Variants in UHRF1 observed in about 807,000 individuals in gnomAD.
UHRF1 encodes the protein ubiquitin like with PHD and ring finger domains 1.
In UHRF1, 9 loss-of-function variants were observed where a neutral mutation model predicts 96.5. The ratio of observed to expected loss-of-function variants is 0.09; its 90% CI spans 0.06 to 0.16. The LOEUF is 0.16. Among genes scored for constraint, UHRF1 ranks in the 10% least tolerant of loss-of-function variants. The pLI is 1.00. For missense variants in UHRF1, 626 were observed against 1,131.1 expected (o/e 0.55, Z 6.40); for synonymous variants, 455 against 469.9 (o/e 0.97, Z 0.41).
At chr19:4,957,844 G>A (rs903294330) in intron 16 of UHRF1, among the ~76,000 whole-genome samples, 4 of 152,196 alleles carry the variant, frequency 2.6e-5, no homozygotes, top group African/African-American at 9.6e-5. Context: ...GAACTGCCCA[G>A]GTGGGCAGTG....
At chr19:4,920,835 G>A (rs2032677550) in intron 2 of UHRF1, among the ~76,000 whole-genome samples, 1 of 152,246 alleles carries the variant, frequency 6.6e-6, no homozygotes, top group Non-Finnish European at 1.5e-5. Flanking sequence ...ATAGAAAATC[G>A]GTCAGGAGGG....
chr19:4,937,405 A>G (rs184685642), intron 5 of UHRF1, among the ~76,000 whole-genome samples: 1 of 150,554 alleles, frequency 6.6e-6, no homozygotes, highest in East Asian at 1.9e-4. Context: ...TCTGTTTCCC[A>G]GGCTGGAGTG....
chr19:4,912,886 A>G (rs949104431), intron 2 of UHRF1, among the ~76,000 whole-genome samples: 2 of 151,988 alleles, frequency 1.3e-5, no homozygotes, highest in African/African-American at 2.4e-5. Flanking sequence ...CAGCCTCCCA[A>G]GTAGCTAGGA....
At chr19:4,937,623 C>G (rs917687836) in intron 5 of UHRF1, among the ~76,000 whole-genome samples, 2 of 152,110 alleles carry the variant, frequency 1.3e-5, no homozygotes, top group Non-Finnish European at 2.9e-5. Flanking sequence ...CTTGGCCTCC[C>G]AAAGTGTTAG....
rs2033816863 is a variant in UHRF1 at position 4,954,903 on chromosome 19, A to G, written c.2130+81A>G. ...GTGGGGCTTGTTTCCCATGTTCCCC[A>G]TTTTCAAGTGTACAGCTCAGTCGCA... On this transcript the variant is annotated intron_variant, in intron 15 of 16. Transcript: ENST00000650932. This position sits in a 1 kb window ranked among gnomAD's most constrained non-coding sequence, Gnocchi z 5.9. 6.4e-7 allele frequency: 1 copy of G among 1,550,424 alleles called. No homozygotes were observed. The highest frequency in any genetic ancestry group is 8.8e-7 in the Non-Finnish European group (1 of 1,137,522).
chr19:4,913,137 CT>C (rs1398500448), intron 2 of UHRF1, among the ~76,000 whole-genome samples: 2 of 152,082 alleles, frequency 1.3e-5, no homozygotes, highest in African/African-American at 2.4e-5. Flanking sequence ...CCCAAAACCC[CT>C]ATCTCCCCTC....
At chr19:4,908,651 G>T (rs948193910), upstream of UHRF1, among the ~76,000 whole-genome samples, 4 of 152,202 alleles carry the variant, frequency 2.6e-5, no homozygotes, top group Non-Finnish European at 5.9e-5. Flanking sequence ...GCCCCAGTGA[G>T]AGAGTATCCT....
upstream of UHRF1, among the ~76,000 whole-genome samples, chr19:4,907,407 T>C (rs974720053): frequency 1.2e-4 from 18 of 152,224 alleles, no homozygotes; most frequent in African/African-American, 3.8e-4. Context: ...TAGCTGGGAT[T>C]ACAGGCGCCG....
At chr19:4,909,181 C>T (rs1568403045), upstream of UHRF1, 3 of 393,916 alleles carry the variant, frequency 7.6e-6, no homozygotes, top group South Asian at 4.0e-5. Flanking sequence ...TGGGGGGCTG[C>T]GAACGGACTT....
chr19:4,948,536 C>T (rs556667969), intron 11 of UHRF1, among the ~76,000 whole-genome samples: 10 of 152,126 alleles, frequency 6.6e-5, no homozygotes, highest in East Asian at 1.9e-4. Context: ...CGGTGGCTCA[C>T]GCCTGTAATC....
intron 2 of UHRF1, 129 bp from the exon 3 acceptor site, chr19:4,929,093 C>T: frequency 7.5e-7 from 1 of 1,335,456 alleles, no homozygotes; most frequent in South Asian, 1.4e-5. Context: ...TATCATGGCT[C>T]TTTACTCTGA....
At chr19:4,929,686 C>T (rs891321851) in intron 3 of UHRF1, among the ~76,000 whole-genome samples, 7 of 150,936 alleles carry the variant, frequency 4.6e-5, no homozygotes, top group East Asian at 1.9e-4. Context: ...GAGTCCTGTT[C>T]GGGGCCTGCA....
intron 11 of UHRF1, 46 bp downstream of exon 11, chr19:4,947,257 C>T (rs373332081): frequency 3.5e-5 from 54 of 1,546,536 alleles, no homozygotes; most frequent in Middle Eastern, 3.4e-4. Context: ...GCATATCTGC[C>T]GAGTCTTGGT....
chr19:4,933,045 C>G, intron 5 of UHRF1, 89 bp downstream of exon 5: 1 of 1,407,062 alleles, frequency 7.1e-7, no homozygotes, highest in Non-Finnish European at 9.6e-7. Context: ...GTCCAGCCAG[C>G]GCTGTGTGTG....
chr19:4,953,284 A>G (rs944818048), intron 13 of UHRF1, among the ~76,000 whole-genome samples: 3 of 152,194 alleles, frequency 2.0e-5, no homozygotes, highest in African/African-American at 7.2e-5. Context: ...TCCTCAGCAC[A>G]TGCTTGAAAC....
intron 2 of UHRF1, among the ~76,000 whole-genome samples, chr19:4,919,044 T>C (rs1192923506): frequency 8.2e-6 from 1 of 121,478 alleles, no homozygotes; most frequent in Non-Finnish European, 1.7e-5. Context: ...TTTTTTTTTT[T>C]GAGACAGTGT....
intron 2 of UHRF1, among the ~76,000 whole-genome samples, chr19:4,918,985 G>A (rs1011469799): frequency 2.1e-4 from 32 of 150,656 alleles, no homozygotes; most frequent in Non-Finnish European, 4.3e-4. Flanking sequence ...GCTTCCCAAG[G>A]TGCTGGGATT....
intron 9 of UHRF1, 32 bp from the exon 10 acceptor site, chr19:4,945,829 G>T (rs1397252341): frequency 6.4e-7 from 1 of 1,560,958 alleles, no homozygotes; most frequent in Non-Finnish European, 8.7e-7. Context: ...TCATTGCAGA[G>T]GACACCATGT....
upstream of UHRF1, among the ~76,000 whole-genome samples, chr19:4,905,314 T>G (rs1455222178): frequency 6.7e-6 from 1 of 150,196 alleles, no homozygotes; most frequent in Admixed American, 6.7e-5. Flanking sequence ...AGAGATGGGG[T>G]TTCACCATGT....
Sources: gnomAD v4.1 joint callset for allele counts (sites outside exome capture counted in the v4.1 genomes callset) on GRCh38, gnomAD v4.1.1 for gene constraint, Gnocchi (gnomAD v3.1) non-coding constraint, MANE v1.5 for transcripts, NCBI Gene and HGNC (gene_info 2026-07-23, HGNC 2026-07-21) for gene names.